Variants in ATP8A2 observed in about 807,000 individuals in gnomAD.
ATP8A2 encodes phospholipid-transporting ATPase IB.
In ATP8A2, 100 loss-of-function variants were observed where a neutral mutation model predicts 165.6. The observed-to-expected ratio is 0.60, with a 90% CI of 0.51 to 0.71. The LOEUF (loss-of-function observed/expected upper bound fraction) is 0.71, where lower values mean the gene tolerates loss of function less well. Ranked by LOEUF, ATP8A2 falls within the 30% of genes least tolerant of loss-of-function variation. ATP8A2 has a pLI of 0.00. For missense variants in ATP8A2, 1,227 were observed against 1,479.5 expected (o/e 0.83, Z 2.80); for synonymous variants, 543 against 548.8 (o/e 0.99, Z 0.15).
chr13:25,700,533 A>T (rs55886632), intron 25 of ATP8A2, among the ~76,000 whole-genome samples: 1 of 152,238 alleles, frequency 6.6e-6, no homozygotes, highest in African/African-American at 2.4e-5. Context: ...TTCATGTGTC[A>T]GTACTTCCTT....
intron 25 of ATP8A2, among the ~76,000 whole-genome samples, chr13:25,744,344 C>A (rs984997204): frequency 6.6e-6 from 1 of 150,982 alleles, no homozygotes; most frequent in Non-Finnish European, 1.5e-5. Context: ...TGTGTATGTG[C>A]GCCCTTCTCT....
At chr13:25,378,799 G>T (rs760602115) in intron 1 of ATP8A2, among the ~76,000 whole-genome samples, 2 of 152,150 alleles carry the variant, frequency 1.3e-5, no homozygotes, top group Non-Finnish European at 2.9e-5. Context: ...CTGATACTGC[G>T]CCACTGATGG....
At chr13:25,973,536 G>A (rs1349094857) in intron 35 of ATP8A2, among the ~76,000 whole-genome samples, 1 of 152,156 alleles carries the variant, frequency 6.6e-6, no homozygotes, top group Non-Finnish European at 1.5e-5. Context: ...TCCACTCCAG[G>A]CAGTGCTCTC....
At chr13:25,398,444 C>G (rs2033505813) in intron 1 of ATP8A2, among the ~76,000 whole-genome samples, 1 of 152,190 alleles carries the variant, frequency 6.6e-6, no homozygotes, top group South Asian at 2.1e-4. Context: ...TTGGAATCCC[C>G]TTGGCTGGGA....
rs1296925462 is a variant in ATP8A2, at chr13:25,631,221, C to T, written c.2211+41522C>T. On this transcript the variant is annotated intron_variant, in intron 24 of 36. Transcript: ENST00000381655. ...CATCACTGTCCAACAGGACTTTCTG[C>T]AGTGATGGTGAGGCTCATCTGTGCT... Among the ~76,000 whole-genome samples the T allele has an allele frequency of 2.0e-5, 3 of 152,200 alleles. No homozygotes were observed. The East Asian group carries it at 5.8e-4, about 29-fold the overall frequency.
chr13:25,672,955 A>T (rs2042298267), intron 24 of ATP8A2, among the ~76,000 whole-genome samples: 1 of 152,070 alleles, frequency 6.6e-6, no homozygotes, highest in Non-Finnish European at 1.5e-5. Context: ...AATATAAGGG[A>T]TTGGTGGAAA....
chr13:25,853,396 A>ATATATATATATATATATATATAT (rs59573616), intron 30 of ATP8A2, among the ~76,000 whole-genome samples: 24 of 107,822 alleles, frequency 2.2e-4, no homozygotes, highest in African/African-American at 7.9e-4. Context: ...ATCTAAAAAA[A>ATATATATATATATATATATATAT]ATATATATAT....
chr13:25,728,435 G>A (rs116225952), intron 25 of ATP8A2, among the ~76,000 whole-genome samples: 8 of 152,138 alleles, frequency 5.3e-5, no homozygotes, highest in African/African-American at 1.9e-4. Flanking sequence ...GTAACAGCAG[G>A]TGCAATGTCA....
intron 1 of ATP8A2, among the ~76,000 whole-genome samples, chr13:25,459,995 A>C (rs1424234740): frequency 2.0e-5 from 3 of 152,140 alleles, no homozygotes; most frequent in Admixed American, 2.0e-4. Flanking sequence ...TGAGGTCAGG[A>C]GTTCAATACT....
intron 30 of ATP8A2, among the ~76,000 whole-genome samples, chr13:25,855,804 T>C (rs906850431): frequency 3.3e-5 from 5 of 152,236 alleles, no homozygotes; most frequent in African/African-American, 1.2e-4. Flanking sequence ...ATCTAATTTC[T>C]CCACATCTTG....
intron 3 of ATP8A2, 91 bp downstream of exon 3, chr13:25,530,189 A>G: frequency 1.3e-6 from 1 of 773,756 alleles, no homozygotes. Flanking sequence ...AAGTGTTATA[A>G]TCTTGGAATA....
chr13:25,827,927 C>T (rs1017585102), intron 27 of ATP8A2, among the ~76,000 whole-genome samples, 191 bp from the exon 28 acceptor site: 1 of 152,276 alleles, frequency 6.6e-6, no homozygotes, highest in East Asian at 1.9e-4. Context: ...TATAAATTTT[C>T]CTTACAATAT....
intron 24 of ATP8A2, among the ~76,000 whole-genome samples, chr13:25,669,727 C>T (rs1190337466): frequency 1.3e-5 from 2 of 152,172 alleles, no homozygotes; most frequent in African/African-American, 2.4e-5. Flanking sequence ...CCTCCACCTT[C>T]CCTGCTTTTT....
intron 25 of ATP8A2, among the ~76,000 whole-genome samples, chr13:25,733,965 G>A (rs555980758): frequency 9.9e-4 from 150 of 152,200 alleles, no homozygotes; most frequent in Non-Finnish European, 1.9e-3. Flanking sequence ...GTTCGTTGGC[G>A]ATGAGGAACA....
chr13:25,809,630 T>C (rs17082772), intron 27 of ATP8A2, among the ~76,000 whole-genome samples: 3,867 of 152,212 alleles, frequency 0.025, 173 homozygotes, highest in African/African-American at 0.088. Flanking sequence ...CTCCCAAATG[T>C]TCTGTTCCCT....
chr13:25,695,172 G>C (rs912056081), intron 24 of ATP8A2, among the ~76,000 whole-genome samples: 1 of 149,296 alleles, frequency 6.7e-6, no homozygotes, highest in African/African-American at 2.5e-5. Flanking sequence ...TAAAAGTTAT[G>C]TTTACACGGT....
chr13:25,604,137 G>A (rs2040459107), intron 24 of ATP8A2, among the ~76,000 whole-genome samples: 1 of 152,076 alleles, frequency 6.6e-6, no homozygotes. Flanking sequence ...AGAGAAGCAA[G>A]AGAGTTTGAG....
chr13:25,478,605 C>T (rs1180910271), intron 2 of ATP8A2, among the ~76,000 whole-genome samples: 1 of 152,132 alleles, frequency 6.6e-6, no homozygotes, highest in Non-Finnish European at 1.5e-5. Context: ...TTAGCCTTTA[C>T]TATTTTATAT....
At position 25,549,044 on chromosome 13, in the gene ATP8A2, G is replaced by C. The variant is rs752331560; in HGVS notation, c.892-2294G>C. ...TTCATCCTAGCTCTTTTAATGATCA[G>C]ATCAATGGAGACTAGTGAAGGAGAA... On this transcript the variant is annotated intron_variant, in intron 10 of 36. Coordinates refer to ENST00000381655, the MANE Select transcript of ATP8A2 (RefSeq NM_016529.6). Among the ~76,000 whole-genome samples the C allele has an allele frequency of 7.9e-5, 12 of 152,316 alleles. No individual in the cohort carries two copies. The South Asian group carries it at 1.0e-3, about 13-fold the overall frequency.
Sources: gnomAD v4.1 joint callset for allele counts (sites outside exome capture counted in the v4.1 genomes callset) on GRCh38, gnomAD v4.1.1 for gene constraint, MANE v1.5 for transcripts, NCBI Gene and HGNC (gene_info 2026-07-23, HGNC 2026-07-21) for gene names.